The following FOXO3 variants were observed in gnomAD, a reference collection of about 807,000 sequenced individuals.
The protein encoded by FOXO3 is forkhead box O3, also known as forkhead box protein O3.
In FOXO3, 4 loss-of-function variants were observed where a neutral mutation model predicts 41.9. That is an observed-to-expected ratio of 0.10 (90% CI 0.05 to 0.22). The LOEUF (loss-of-function observed/expected upper bound fraction) is 0.22, where lower values mean the gene tolerates loss of function less well. Ranked by LOEUF, FOXO3 falls within the 10% of genes least tolerant of loss-of-function variation. FOXO3 has a pLI of 1.00. For synonymous variants in FOXO3, 318 were observed against 389.3 expected, an observed-to-expected ratio of 0.82 and a Z score of 2.16; for missense variants, 534 against 906.8, an observed-to-expected ratio of 0.59 and a Z score of 5.28.
rs1032066302 is a variant in FOXO3, at chr6:108,561,464, G to A, written c.256G>A (p.Gly86Ser). 2 of 1,531,882 alleles carry A rather than the reference G, an allele frequency of 1.3e-6. No homozygotes were observed. Among genetic ancestry groups the A allele is most frequent in the Non-Finnish European group, 1.8e-6 (2 of 1,142,300 alleles). 94.9% of individuals were successfully genotyped at this position (1,531,882 alleles called of 1,614,324 possible). A position where few individuals can be genotyped will look rare whatever the true frequency, so the allele number is the denominator to read the frequency against. The change falls in exon 1 of 3, where the codon GGC becomes AGC. Residue 86 changes from glycine (G) to serine (S), a missense_variant. Coordinates refer to ENST00000406360, the MANE Select transcript of FOXO3 (RefSeq NM_001455.4). ...GGCGATCGGCGGCGGCGGCGGGAGC[G>A]GCACGCTGGGCTCCGGGCTGCTCCT... ...AMAIGGGGGS[G>S]TLGSGLLLED...
chr6:108,658,458 A>T (rs555944844), intron 1 of FOXO3, among the ~76,000 whole-genome samples: 3 of 152,318 alleles, frequency 2.0e-5, no homozygotes, highest in African/African-American at 7.2e-5. Context: ...TCAAGCAAAG[A>T]TTGGCCATTG....
chr6:108,636,059 G>A (rs930335648), intron 1 of FOXO3, among the ~76,000 whole-genome samples: 3 of 152,238 alleles, frequency 2.0e-5, no homozygotes, highest in Non-Finnish European at 4.4e-5. Context: ...AGGGAAGCAA[G>A]CCCTCCATCT....
At chr6:108,645,458 CTTTTT>C (rs754308130) in intron 1 of FOXO3, among the ~76,000 whole-genome samples, 3 of 141,474 alleles carry the variant, frequency 2.1e-5, no homozygotes, top group African/African-American at 7.7e-5. Context: ...CCCAGAATTG[CTTTTT>C]TTTTTTTTTT....
intron 1 of FOXO3, among the ~76,000 whole-genome samples, chr6:108,638,318 A>G (rs908554388): frequency 1.3e-5 from 2 of 152,206 alleles, no homozygotes; most frequent in African/African-American, 2.4e-5. Flanking sequence ...TATGCCTATC[A>G]AGGTTTGTCC....
At chr6:108,560,811 G>A (rs1009738403), upstream of FOXO3, 13 of 302,414 alleles carry the variant, frequency 4.3e-5, no homozygotes, top group African/African-American at 2.7e-4. Flanking sequence ...TCCCCGCCCC[G>A]CCGCCTAGCC....
intron 1 of FOXO3, among the ~76,000 whole-genome samples, chr6:108,644,248 G>A (rs1484081434): frequency 6.6e-6 from 1 of 152,152 alleles, no homozygotes; most frequent in African/African-American, 2.4e-5. Flanking sequence ...CTGTAAAATG[G>A]GGACCATATT....
At chr6:108,585,066 G>C (rs547239841) in intron 1 of FOXO3, among the ~76,000 whole-genome samples, 7 of 106,792 alleles carry the variant, frequency 6.6e-5, no homozygotes, top group Non-Finnish European at 1.7e-5. Context: ...ACAGAGTCTC[G>C]CTCTGTTGCC....
chr6:108,641,987 G>C (rs548308878), intron 1 of FOXO3, among the ~76,000 whole-genome samples: 1 of 152,000 alleles, frequency 6.6e-6, no homozygotes, highest in Non-Finnish European at 1.5e-5. Context: ...AAGAATGCAA[G>C]AATGCATGAG....
chr6:108,643,640 C>T (rs1435056313), intron 1 of FOXO3, among the ~76,000 whole-genome samples: 2 of 152,156 alleles, frequency 1.3e-5, no homozygotes, highest in African/African-American at 2.4e-5. Flanking sequence ...GTCAACTTTT[C>T]CTTTTTGACC....
chr6:108,567,039 G>A (rs552659938), intron 1 of FOXO3, among the ~76,000 whole-genome samples: 2 of 152,346 alleles, frequency 1.3e-5, no homozygotes, highest in Admixed American at 6.5e-5. Context: ...TAAAGTTCCA[G>A]TTCACTCACA....
rs147025429 is a variant in FOXO3 at position 108,589,507 on chromosome 6, C to T, written c.621+27678C>T. Reference sequence around the variant, plus strand: ...TTCCTGACTGTCTTGGAAAGTTCTTCGTTTAAGGCAGGCTTTTGTTCTTAG... The same window carrying T: ...TTCCTGACTGTCTTGGAAAGTTCTTTGTTTAAGGCAGGCTTTTGTTCTTAG... On this transcript the variant is annotated intron_variant, in intron 1 of 2. Transcript: ENST00000406360. Among the ~76,000 whole-genome samples, 66 of 152,360 alleles carry T rather than the reference C, an allele frequency of 4.3e-4. No homozygotes were observed. In the South Asian group the frequency reaches 7.2e-3, roughly 17 times the overall value.
chr6:108,605,566 G>A (rs553715647), intron 1 of FOXO3, among the ~76,000 whole-genome samples: 1 of 152,248 alleles, frequency 6.6e-6, no homozygotes, highest in South Asian at 2.1e-4. Flanking sequence ...AAAAGAAACA[G>A]GCCTAGATCA....
intron 1 of FOXO3, among the ~76,000 whole-genome samples, chr6:108,658,689 G>A (rs1262974486): frequency 6.6e-6 from 1 of 151,938 alleles, no homozygotes; most frequent in Non-Finnish European, 1.5e-5. Flanking sequence ...CTCCCAAAGT[G>A]CTAAGATTAC....
At chr6:108,668,480 G>A (rs1779119633) in intron 2 of FOXO3, among the ~76,000 whole-genome samples, 1 of 152,164 alleles carries the variant, frequency 6.6e-6, no homozygotes, top group Non-Finnish European at 1.5e-5. Context: ...CTGGTGTGGT[G>A]CTGCAAGCTC....
chr6:108,639,640 A>G, intron 1 of FOXO3: 1 of 855,988 alleles, frequency 1.2e-6, no homozygotes, highest in Non-Finnish European at 1.4e-6. Flanking sequence ...AGCTTAGCCC[A>G]AACCTCCCCC....
At chr6:108,588,080 C>T (rs919536232) in intron 1 of FOXO3, among the ~76,000 whole-genome samples, 1 of 152,168 alleles carries the variant, frequency 6.6e-6, no homozygotes, top group African/African-American at 2.4e-5. Flanking sequence ...TCAAAGGCAA[C>T]TTTAAGTTAA....
intron 1 of FOXO3, among the ~76,000 whole-genome samples, chr6:108,655,835 T>TA (rs1778668579): frequency 6.6e-6 from 1 of 152,204 alleles, no homozygotes; most frequent in Non-Finnish European, 1.5e-5. Flanking sequence ...AAAACCTTTG[T>TA]CATCTGTGGT....
rs961995451 is a variant in FOXO3 at position 108,561,814 on chromosome 6, C to T, written c.606C>T (p.Ser202=). 4.4e-6 allele frequency: 7 copies of T among 1,582,584 alleles called. No individual in the cohort carries two copies. The highest frequency in any genetic ancestry group is 6.0e-6 in the Non-Finnish European group (7 of 1,165,336). Residue 202 remains serine, a synonymous_variant, in exon 1 of 3, where the codon AGC becomes AGT. Coordinates refer to ENST00000406360, the MANE Select transcript of FOXO3 (RefSeq NM_001455.4). ...TCAAGGATAAGGGCGACAGCAACAG[C>T]TCTGCCGGCTGGAAGGTGCGTACCC... ...PYFKDKGDSN[S]SAGWKNSIRH...
Position 108,684,283 on chromosome 6 carries a change from A to T in FOXO3, c.*4491A>T, listed in dbSNP as rs189576722. 5.4e-4 allele frequency: 82 copies of T among 152,746 alleles called. 1 individual carries two copies. The East Asian group carries it at 0.013, about 24-fold the overall frequency. The allele number at this position is 152,746 out of a possible 1,614,324, so 9.5% of individuals were successfully genotyped here. A position where few individuals can be genotyped will look rare whatever the true frequency, so the allele number is the denominator to read the frequency against. ...GGACCAGAAAAATTAGTTAATATTT[A>T]AAAAAATGTATTGTGCATTTTGGCT... On this transcript the variant is annotated 3_prime_UTR_variant, in exon 3 of 3. Coordinates refer to ENST00000406360, the MANE Select transcript of FOXO3 (RefSeq NM_001455.4).
Sources: allele counts gnomAD v4.1 joint callset (sites outside exome capture counted in the v4.1 genomes callset), GRCh38; gene constraint gnomAD v4.1.1; transcripts MANE v1.5; gene names NCBI Gene and HGNC (gene_info 2026-07-23, HGNC 2026-07-21).